DOCK5: variants seen among roughly 807,000 people sequenced by gnomAD.
The protein encoded by DOCK5 is dedicator of cytokinesis 5.
A neutral mutation model predicts 251.8 loss-of-function variants in DOCK5; 142 were observed. The observed-to-expected ratio is 0.56, with a 90% CI of 0.49 to 0.65. The LOEUF is 0.65. Ranked by LOEUF, DOCK5 falls within the 30% of genes least tolerant of loss-of-function variation. DOCK5 has a pLI of 0.00. For synonymous variants in DOCK5, 842 were observed against 835.5 expected, an observed-to-expected ratio of 1.01 and a Z score of -0.13; for missense variants, 2,111 against 2,312.3, an observed-to-expected ratio of 0.91 and a Z score of 1.79.
At chr8:25,242,933 A>C (rs76724659) in intron 1 of DOCK5, among the ~76,000 whole-genome samples, 4,134 of 152,288 alleles carry the variant, frequency 0.027, 213 homozygotes, top group African/African-American at 0.094. Flanking sequence ...TCGCCTGTGT[A>C]CTAGAGATCA....
Position 25,308,778 on chromosome 8 carries a change from C to G in DOCK5, c.1050-5C>G. 6.2e-7 allele frequency: 1 copy of G among 1,613,252 alleles called. No individual in the cohort carries two copies. The highest frequency in any genetic ancestry group is 8.5e-7 in the Non-Finnish European group (1 of 1,179,310). On this transcript the variant is annotated splice_polypyrimidine_tract_variant and splice_region_variant and intron_variant, in intron 11 of 51. Transcript: ENST00000276440. ...CCACCTTACCTCTTATTTCTCTTTC[C>G]CAAGAATTGCGATGGAAACCTACAT...
intron 1 of DOCK5, among the ~76,000 whole-genome samples, chr8:25,226,850 G>T (rs1050738134): frequency 1.3e-5 from 2 of 152,126 alleles, no homozygotes; most frequent in Admixed American, 6.5e-5. Flanking sequence ...CTCCCAAAGT[G>T]CTGGGATTAC....
chr8:25,192,381 A>C (rs1563302273), intron 1 of DOCK5, among the ~76,000 whole-genome samples: 1 of 152,218 alleles, frequency 6.6e-6, no homozygotes, highest in Non-Finnish European at 1.5e-5. Flanking sequence ...GCAAAAACAA[A>C]ATATTTAACC....
At chr8:25,314,309 A>G (rs574450293) in intron 13 of DOCK5, among the ~76,000 whole-genome samples, 1 of 147,116 alleles carries the variant, frequency 6.8e-6, no homozygotes, top group Admixed American at 6.8e-5. Context: ...TGTAGAGATC[A>G]AGTTTCATTA....
In DOCK5 at chr8:25,366,869, G is replaced by A. The variant is rs751385486; in HGVS notation, c.3124-1G>A. Reference sequence around the variant, plus strand: ...TTACCCACACAATTAATTTTGAACAGCTCTGGAACAATTACTTCCATTTGG... The same window carrying A: ...TTACCCACACAATTAATTTTGAACAACTCTGGAACAATTACTTCCATTTGG... On this transcript the variant is annotated splice_acceptor_variant, in intron 30 of 51. Transcript: ENST00000276440. LOFTEE classifies it high-confidence loss of function. 6.2e-7 allele frequency: 1 copy of A among 1,612,830 alleles called. No individual in the cohort carries two copies. Among genetic ancestry groups the A allele is most frequent in the Admixed American group, 1.7e-5 (1 of 59,970 alleles).
rs147532939 is a variant in DOCK5 at position 25,233,803 on chromosome 8, G to A, written c.44-9871G>A. On this transcript the variant is annotated intron_variant, in intron 1 of 51. Coordinates refer to ENST00000276440, the MANE Select transcript of DOCK5 (RefSeq NM_024940.8). ...TAATTTTTATAAGTACATAGTAGGT[G>A]TATATATTTATGGGGTACACGAGAT... Among the ~76,000 whole-genome samples the A allele has an allele frequency of 1.9e-3, 288 of 152,270 alleles. 1 individual carries two copies. The highest frequency in any genetic ancestry group is 3.3e-3 in the Non-Finnish European group (227 of 68,020).
At chr8:25,225,162 G>T (rs192538876) in intron 1 of DOCK5, among the ~76,000 whole-genome samples, 7 of 152,222 alleles carry the variant, frequency 4.6e-5, no homozygotes, top group African/African-American at 1.7e-4. Context: ...ATGTAAAATG[G>T]TGCAGTCCCT....
chr8:25,331,799 TATAGAGAGAGAGAGAGAG>T lies in DOCK5; in HGVS notation c.1904-450_1904-433del, dbSNP rs1339977034. Among the ~76,000 whole-genome samples the T allele has an allele frequency of 3.6e-3, 176 of 48,988 alleles. 3 individuals are homozygous for T. The highest frequency in any genetic ancestry group is 8.9e-3 in the African/African-American group (169 of 19,068). 32.1% of individuals were successfully genotyped at this position (48,988 alleles called of 152,430 possible). A position where few individuals can be genotyped will look rare whatever the true frequency, so the allele number is the denominator to read the frequency against. ...ATTAATGCATATATATATATATATATATAGAGAGAGAGAGAGAGAGAGAGAGAGAGAGAGAGAGAGAGA... is the reference window on the plus strand; with the variant it reads ...ATTAATGCATATATATATATATATATAGAGAGAGAGAGAGAGAGAGAGAGA... On this transcript the variant is annotated intron_variant, in intron 18 of 51. Transcript: ENST00000276440.
intron 42 of DOCK5, among the ~76,000 whole-genome samples, chr8:25,391,326 TG>T (rs1801257043): frequency 6.6e-6 from 1 of 151,484 alleles, no homozygotes; most frequent in South Asian, 2.1e-4. Flanking sequence ...CCTCCCGAAG[TG>T]GTAGGATTAC....
In DOCK5 at chr8:25,322,686, A is replaced by G. The variant is rs140533295; in HGVS notation, c.1616-1162A>G. Among the ~76,000 whole-genome samples the G allele has an allele frequency of 3.8e-3, 583 of 152,346 alleles. 6 individuals carry two copies. The highest frequency in any genetic ancestry group is 0.013 in the African/African-American group (556 of 41,588). ...ATATAACAAGGTACATTCTACTTTT[A>G]TCTACATTTATACACAAAGAAACTA... On this transcript the variant is annotated intron_variant, in intron 16 of 51. Transcript: ENST00000276440.
intron 1 of DOCK5, among the ~76,000 whole-genome samples, chr8:25,214,282 C>T (rs1282821593): frequency 6.6e-6 from 1 of 152,078 alleles, no homozygotes; most frequent in African/African-American, 2.4e-5. Flanking sequence ...TTGCCTGTTC[C>T]TCTTTGATCT....
chr8:25,211,088 C>G (rs60821775), intron 1 of DOCK5, among the ~76,000 whole-genome samples: 35,329 of 70,228 alleles, frequency 0.5, 15,853 homozygotes, highest in African/African-American at 0.72. Context: ...CCTCAAACCT[C>G]CTTCTGTCAA....
At chr8:25,195,001 A>G (rs1357586126) in intron 1 of DOCK5, among the ~76,000 whole-genome samples, 1 of 151,646 alleles carries the variant, frequency 6.6e-6, no homozygotes, top group Non-Finnish European at 1.5e-5. Flanking sequence ...GCTCACTGCA[A>G]CCTCCACCTC....
chr8:25,223,023 T>G (rs542616104), intron 1 of DOCK5, among the ~76,000 whole-genome samples: 1 of 152,258 alleles, frequency 6.6e-6, no homozygotes, highest in South Asian at 2.1e-4. Flanking sequence ...AGCTAATTAA[T>G]CCATCCTTGC....
rs189999723 is a variant in DOCK5, at chr8:25,224,596, G to T, written c.44-19078G>T. Among the ~76,000 whole-genome samples, 196 of 152,320 alleles carry T rather than the reference G, an allele frequency of 1.3e-3. 1 individual carries two copies. Among genetic ancestry groups the T allele is most frequent in the African/African-American group, 4.4e-3 (181 of 41,562 alleles). On this transcript the variant is annotated intron_variant, in intron 1 of 51. Transcript: ENST00000276440. ...GTAAGAACGCTTCAACTAGGGGAGA[G>T]AAACTTTCATTTAAAATAGTTATGG...
At chr8:25,352,830 GAA>G (rs372250626) in intron 27 of DOCK5, among the ~76,000 whole-genome samples, 2 of 151,780 alleles carry the variant, frequency 1.3e-5, no homozygotes, top group Non-Finnish European at 2.9e-5. Context: ...GGGCTAGAGA[GAA>G]AAAAAATGAG....
intron 2 of DOCK5, among the ~76,000 whole-genome samples, chr8:25,266,681 G>A (rs1803761679): frequency 6.6e-6 from 1 of 151,776 alleles, no homozygotes; most frequent in Admixed American, 6.6e-5. Context: ...AATTTATGGA[G>A]TTCTGACAGT....
rs377105998 is a variant in DOCK5 at position 25,202,576 on chromosome 8, G to A, written c.43+17625G>A. ...CCCATGTTCACTGAGCACCTTTTAT[G>A]TTCCAGGGTCTTGCTGGGCTGGATG... On this transcript the variant is annotated intron_variant, in intron 1 of 51. Coordinates refer to ENST00000276440, the MANE Select transcript of DOCK5 (RefSeq NM_024940.8). 5.9e-5 allele frequency among the ~76,000 whole-genome samples: 9 copies of A among 152,294 alleles called. No homozygotes were observed. The East Asian group carries it at 1.2e-3, about 20-fold the overall frequency.
At chr8:25,301,451 T>C (rs965066598) in intron 9 of DOCK5, among the ~76,000 whole-genome samples, 1 of 152,218 alleles carries the variant, frequency 6.6e-6, no homozygotes, top group Non-Finnish European at 1.5e-5. Context: ...CTTGCTTCAG[T>C]AAAGAGAGCT....
Sources: allele counts gnomAD v4.1 joint callset (sites outside exome capture counted in the v4.1 genomes callset), GRCh38; gene constraint gnomAD v4.1.1; transcripts MANE v1.5; gene names NCBI Gene and HGNC (gene_info 2026-07-23, HGNC 2026-07-21).